EYS: variants seen among roughly 807,000 people sequenced by gnomAD.
EYS encodes the protein EGF-like photoreceptor maintenance factor, also known as protein eyes shut homolog.
A neutral mutation model predicts 282.1 loss-of-function variants in EYS; 250 were observed. The ratio of observed to expected loss-of-function variants is 0.89; its 90% CI spans 0.80 to 0.98. EYS has a LOEUF of 0.98. Among genes scored for constraint, EYS ranks in the 50% least tolerant of loss-of-function variants. The probability of loss-of-function intolerance (pLI) is 0.00; values close to 1 mark genes in which losing one functional copy is unlikely to be tolerated. For synonymous variants in EYS, 1,355 were observed against 1,282.9 expected, an observed-to-expected ratio of 1.06 and a Z score of -1.20; for missense variants, 4,016 against 3,709.0, an observed-to-expected ratio of 1.08 and a Z score of -2.15.
At chr6:64,846,233 C>T (rs1354521476) in intron 19 of EYS, among the ~76,000 whole-genome samples, 1 of 152,082 alleles carries the variant, frequency 6.6e-6, no homozygotes, top group Non-Finnish European at 1.5e-5. Flanking sequence ...TATGTCAAGC[C>T]TTTCATTAAA....
chr6:65,674,450 C>CAAAAAAAAAAAAA (rs56958605), intron 1 of EYS, among the ~76,000 whole-genome samples: 2 of 34,760 alleles, frequency 5.8e-5, no homozygotes, highest in African/African-American at 2.1e-4. Flanking sequence ...GACTCCGTCT[C>CAAAAAAAAAAAAA]AAAAAAAAAA....
At chr6:65,046,644 C>T (rs1413995275) in intron 13 of EYS, among the ~76,000 whole-genome samples, 1 of 151,824 alleles carries the variant, frequency 6.6e-6, no homozygotes, top group Admixed American at 6.6e-5. Flanking sequence ...GTCAAACTAG[C>T]AACTCCTAAA....
intron 8 of EYS, among the ~76,000 whole-genome samples, chr6:65,372,516 C>A (rs148644408): frequency 1.3e-5 from 2 of 151,788 alleles, no homozygotes; most frequent in African/African-American, 4.8e-5. Context: ...GTATTGGATG[C>A]CATTTATTTA....
intron 21 of EYS, among the ~76,000 whole-genome samples, chr6:64,816,736 C>G (rs9354155): frequency 0.024 from 3,681 of 152,114 alleles, 114 homozygotes; most frequent in African/African-American, 0.069. Context: ...AGGGCACACA[C>G]AAACAAATGA....
At chr6:64,806,586 T>C (rs535053710) in intron 22 of EYS, among the ~76,000 whole-genome samples, 2 of 152,234 alleles carry the variant, frequency 1.3e-5, no homozygotes, top group South Asian at 4.1e-4. Flanking sequence ...TTTTAACAAA[T>C]AATTAGTGTG....
chr6:65,289,797 T>G (rs1236369497), intron 12 of EYS, among the ~76,000 whole-genome samples: 2 of 151,158 alleles, frequency 1.3e-5, no homozygotes, highest in African/African-American at 4.8e-5. Flanking sequence ...GTGCTAGAAA[T>G]TCTCTACAAT....
At chr6:64,644,198 G>T (rs1768273745) in intron 22 of EYS, among the ~76,000 whole-genome samples, 1 of 152,146 alleles carries the variant, frequency 6.6e-6, no homozygotes, top group Non-Finnish European at 1.5e-5. Flanking sequence ...AGAGTCAAAA[G>T]ATAAATAATT....
At chr6:65,417,470 A>G (rs79022396) in intron 5 of EYS, among the ~76,000 whole-genome samples, 6,380 of 152,098 alleles carry the variant, frequency 0.042, 163 homozygotes, top group African/African-American at 0.067. Context: ...GATTGAGCAC[A>G]CAACCTATTG....
intron 26 of EYS, among the ~76,000 whole-genome samples, chr6:64,555,701 T>C (rs1765213690): frequency 6.6e-6 from 1 of 151,846 alleles, no homozygotes. Context: ...TCAAAGTTAT[T>C]ATAATAATGA....
intron 2 of EYS, among the ~76,000 whole-genome samples, chr6:65,604,634 T>C (rs2149791709): frequency 6.6e-6 from 1 of 152,130 alleles, no homozygotes; most frequent in South Asian, 2.1e-4. Context: ...CTCTAGTTAA[T>C]GATAGTAATA....
Position 64,721,963 on chromosome 6 carries a change from C to T in EYS, c.3443+91415G>A, listed in dbSNP as rs1028198089. On this transcript the variant is annotated intron_variant, in intron 22 of 42. Coordinates refer to ENST00000503581, the MANE Select transcript of EYS (RefSeq NM_001142800.2). ...AGTAAATGCAGTCAGTTTATTCAAACATTACACTGTTTCCAGAGTAATGTA... is the reference window on the plus strand; with the variant it reads ...AGTAAATGCAGTCAGTTTATTCAAATATTACACTGTTTCCAGAGTAATGTA... 8.5e-5 allele frequency among the ~76,000 whole-genome samples: 13 copies of T among 152,246 alleles called. No homozygotes were observed. The East Asian group carries it at 1.9e-3, about 23-fold the overall frequency.
chr6:65,384,350 G>A (rs1422251763), intron 8 of EYS, 36 bp downstream of exon 8: 4 of 1,173,106 alleles, frequency 3.4e-6, no homozygotes, highest in Non-Finnish European at 5.1e-6. Context: ...GTATTTTGAA[G>A]GGCTAACTTA....
chr6:64,939,281 C>A (rs543200231), intron 15 of EYS, among the ~76,000 whole-genome samples: 1 of 151,836 alleles, frequency 6.6e-6, no homozygotes, highest in Admixed American at 6.6e-5. Flanking sequence ...CAACAAATAT[C>A]TGAAATATGA....
In EYS at chr6:63,910,352, G is replaced by A. The variant is rs556173378; in HGVS notation, c.7056-45994C>T. ...TAAAGAACTTTCAGACTGAAGGGAT[G>A]CTAAAATTTAATGACTATGTAATCA... is the stretch of plus-strand genomic sequence containing the variant. On this transcript the variant is annotated intron_variant, in intron 35 of 42. Coordinates refer to ENST00000503581, the MANE Select transcript of EYS (RefSeq NM_001142800.2). 6.6e-5 allele frequency among the ~76,000 whole-genome samples: 10 copies of A among 152,230 alleles called. 1 individual carries two copies. In the South Asian group the frequency reaches 2.1e-3, roughly 32 times the overall value.
chr6:64,200,725 T>G (rs1328289619), intron 31 of EYS, among the ~76,000 whole-genome samples: 4 of 152,238 alleles, frequency 2.6e-5, no homozygotes, highest in Admixed American at 2.6e-4. Context: ...GGGCTCTCAA[T>G]TTGCAAGAAA....
In EYS at chr6:64,421,879, G is replaced by A. The variant is rs967734304; in HGVS notation, c.5927+14295C>T. Among the ~76,000 whole-genome samples the A allele has an allele frequency of 2.0e-5, 3 of 151,362 alleles. No individual in the cohort carries two copies. The East Asian group carries it at 5.8e-4, about 29-fold the overall frequency. On this transcript the variant is annotated intron_variant, in intron 28 of 42. Transcript: ENST00000503581. Reference sequence around the variant, plus strand: ...TTGGGGGGTGTGTGTGTGTGTGTGTGTGTGTGTGTGTGTGTGTGTGTAGAT... The same window carrying A: ...TTGGGGGGTGTGTGTGTGTGTGTGTATGTGTGTGTGTGTGTGTGTGTAGAT...
intron 14 of EYS, among the ~76,000 whole-genome samples, chr6:64,987,930 T>C (rs1418545854): frequency 6.6e-6 from 1 of 151,564 alleles, no homozygotes. Context: ...TATAGTGTTA[T>C]ATTTAATATA....
intron 39 of EYS, among the ~76,000 whole-genome samples, chr6:63,787,790 T>C (rs1770404369): frequency 6.6e-6 from 1 of 151,856 alleles, no homozygotes; most frequent in African/African-American, 2.4e-5. Flanking sequence ...AAATGCAAAA[T>C]TAGCTGGGCG....
At chr6:65,040,289 G>C (rs1010367568) in intron 13 of EYS, among the ~76,000 whole-genome samples, 25 of 151,682 alleles carry the variant, frequency 1.6e-4, no homozygotes. Flanking sequence ...CTATGAGAGA[G>C]AATCTCTTCC....
Sources: gnomAD v4.1 joint callset for allele counts (sites outside exome capture counted in the v4.1 genomes callset) on GRCh38, gnomAD v4.1.1 for gene constraint, MANE v1.5 for transcripts, NCBI Gene and HGNC (gene_info 2026-07-23, HGNC 2026-07-21) for gene names.